The following TFEC variants were observed in gnomAD, a reference collection of about 807,000 sequenced individuals.
TFEC encodes class E basic helix-loop-helix protein 34.
In TFEC, 31 loss-of-function variants were observed where a neutral mutation model predicts 41.6. The ratio of observed to expected loss-of-function variants is 0.74; its 90% CI spans 0.56 to 1.01. The LOEUF (loss-of-function observed/expected upper bound fraction) is 1.01, where lower values mean the gene tolerates loss of function less well. Ranked by LOEUF, TFEC falls within the 50% of genes least tolerant of loss-of-function variation. The pLI, the probability that TFEC is intolerant of heterozygous loss-of-function variation, is 0.00. For synonymous variants in TFEC, 143 were observed against 140.6 expected (o/e 1.02, Z -0.12); for missense variants, 402 against 404.1 (o/e 0.99, Z 0.04).
At chr7:116,049,256 C>A (rs912493732) in intron 3 of TFEC, among the ~76,000 whole-genome samples, 31 of 152,042 alleles carry the variant, frequency 2.0e-4, no homozygotes, top group African/African-American at 7.5e-4. Flanking sequence ...CAGAGACACA[C>A]ATAGGCTCAA....
chr7:116,047,313 T>A (rs1796191383), intron 3 of TFEC, among the ~76,000 whole-genome samples: 1 of 152,058 alleles, frequency 6.6e-6, no homozygotes, highest in South Asian at 2.1e-4. Context: ...AATACTGCGC[T>A]TTTCCAATGG....
intron 6 of TFEC, among the ~76,000 whole-genome samples, chr7:115,950,054 C>G (rs1791847773): frequency 1.3e-5 from 2 of 149,532 alleles, no homozygotes; most frequent in African/African-American, 5.0e-5. Context: ...CTCTGTTGCC[C>G]AGGCTGGAGT....
At chr7:116,157,591 G>A (rs1305654954) in intron 1 of TFEC, among the ~76,000 whole-genome samples, 1 of 145,412 alleles carries the variant, frequency 6.9e-6, no homozygotes, top group Non-Finnish European at 1.5e-5. Context: ...GATTCTAAGG[G>A]AAATCAAAAA....
At chr7:116,113,030 G>C (rs1031786095) in intron 1 of TFEC, among the ~76,000 whole-genome samples, 1 of 151,940 alleles carries the variant, frequency 6.6e-6, no homozygotes, top group African/African-American at 2.4e-5. Context: ...GAATTCACTA[G>C]GAGATAGGGA....
chr7:116,103,762 G>T (rs994341401), intron 3 of TFEC, among the ~76,000 whole-genome samples: 1 of 152,114 alleles, frequency 6.6e-6, no homozygotes, highest in Non-Finnish European at 1.5e-5. Flanking sequence ...GAGGAGAGCA[G>T]TTTGCCACTG....
chr7:115,953,058 C>T (rs1792031353), intron 5 of TFEC, among the ~76,000 whole-genome samples: 1 of 152,006 alleles, frequency 6.6e-6, no homozygotes, highest in South Asian at 2.1e-4. Flanking sequence ...CCAGTTCTGA[C>T]CAATGGGCAG....
At chr7:116,110,004 C>A (rs1281165444) in intron 3 of TFEC, among the ~76,000 whole-genome samples, 1 of 152,110 alleles carries the variant, frequency 6.6e-6, no homozygotes, top group African/African-American at 2.4e-5. Flanking sequence ...CATGTTCTCA[C>A]TCATAGGTGG....
rs561712887 is a variant in TFEC, at chr7:115,977,673, G to A, written c.181-3417C>T. Among the ~76,000 whole-genome samples the A allele has an allele frequency of 4.6e-5, 7 of 152,034 alleles. No individual in the cohort carries two copies. The East Asian group carries it at 7.7e-4, about 17-fold the overall frequency. ...AAGAATGAGTAAAGAACAGTAAAAT[G>A]TTTGTGATCTAAGTAACTCTAGATA... is the stretch of plus-strand genomic sequence containing the variant. On this transcript the variant is annotated intron_variant, in intron 2 of 7. Transcript: ENST00000265440.
chr7:115,948,147 GGAA>G (rs1424774115), intron 6 of TFEC, among the ~76,000 whole-genome samples: 1 of 151,878 alleles, frequency 6.6e-6, no homozygotes, highest in African/African-American at 2.4e-5. Context: ...GACTAAACCA[GGAA>G]GAAGTTGAAT....
intron 3 of TFEC, among the ~76,000 whole-genome samples, chr7:116,093,851 T>A (rs1158190000): frequency 1.3e-5 from 2 of 152,126 alleles, no homozygotes; most frequent in Non-Finnish European, 2.9e-5. Context: ...CACCAAAAAA[T>A]CAGTAACAGA....
Position 115,984,423 on chromosome 7 carries a change from T to A in TFEC, c.19A>T (p.Ile7Phe). 6.2e-7 allele frequency: 1 copy of A among 1,614,128 alleles called. No individual in the cohort carries two copies. The highest frequency in any genetic ancestry group is 8.5e-7 in the Non-Finnish European group (1 of 1,179,990). MTLDHQ[I>F]INPTLKWSQP... ...GACCATTTAAGAGTTGGATTGATGA[T>A]CTGATGATCAAGGGTCATGAAAGAG... Residue 7 changes from isoleucine (I) to phenylalanine (F), a missense_variant, in exon 2 of 8, where the codon ATC becomes TTC. Physicochemically the swap from Ile to Phe is conservative, Grantham distance 21 (BLOSUM62 0). Transcript: ENST00000265440.
chr7:115,980,214 C>A (rs991489010), intron 2 of TFEC, among the ~76,000 whole-genome samples: 2 of 152,168 alleles, frequency 1.3e-5, no homozygotes, highest in Non-Finnish European at 2.9e-5. Context: ...TGAATTCCTG[C>A]AAAATTTTTC....
At chr7:116,136,547 G>A (rs1291028782) in intron 1 of TFEC, among the ~76,000 whole-genome samples, 3 of 151,834 alleles carry the variant, frequency 2.0e-5, no homozygotes, top group Non-Finnish European at 4.4e-5. Context: ...TAAACAGCTT[G>A]AAGTTAATAA....
intron 3 of TFEC, among the ~76,000 whole-genome samples, chr7:116,056,156 A>G (rs1259872337): frequency 1.3e-5 from 2 of 152,068 alleles, no homozygotes; most frequent in Non-Finnish European, 2.9e-5. Flanking sequence ...ATCATCAACA[A>G]AAAAGAGTGA....
intron 3 of TFEC, among the ~76,000 whole-genome samples, chr7:116,090,094 G>A (rs550030929): frequency 8.3e-4 from 126 of 152,274 alleles, no homozygotes; most frequent in African/African-American, 3.0e-3. Context: ...GTAACAAAAG[G>A]ACAAGAGACT....
At chr7:116,044,201 G>A (rs949557100) in intron 3 of TFEC, among the ~76,000 whole-genome samples, 1 of 152,106 alleles carries the variant, frequency 6.6e-6, no homozygotes. Context: ...GCAGGAGTGG[G>A]ATCCATTAAA....
chr7:116,038,227 T>C (rs1795955558), intron 3 of TFEC, among the ~76,000 whole-genome samples: 2 of 152,020 alleles, frequency 1.3e-5, no homozygotes, highest in Admixed American at 1.3e-4. Flanking sequence ...TGGCATACAC[T>C]AGAGTATTAA....
chr7:116,117,772 G>A (rs1480182313), intron 1 of TFEC, among the ~76,000 whole-genome samples: 1 of 151,818 alleles, frequency 6.6e-6, no homozygotes, highest in Non-Finnish European at 1.5e-5. Context: ...GATACCTATG[G>A]TCCAAATAGC....
At chr7:116,059,490 T>G (rs1355033432) in intron 3 of TFEC, among the ~76,000 whole-genome samples, 1 of 151,862 alleles carries the variant, frequency 6.6e-6, no homozygotes, top group Non-Finnish European at 1.5e-5. Context: ...CCCCACTCAC[T>G]CTATAAAGTC....
Sources: gnomAD v4.1 joint callset for allele counts (sites outside exome capture counted in the v4.1 genomes callset) on GRCh38, gnomAD v4.1.1 for gene constraint, MANE v1.5 for transcripts, NCBI Gene and HGNC (gene_info 2026-07-23, HGNC 2026-07-21) for gene names.